Variants in WIPI1 observed in about 807,000 individuals in gnomAD.
WIPI1 encodes the protein WD repeat domain, phosphoinositide interacting 1, also known as WD repeat domain phosphoinositide-interacting protein 1.
In WIPI1, 45 loss-of-function variants were observed where a neutral mutation model predicts 55.3. The ratio of observed to expected loss-of-function variants is 0.81; its 90% CI spans 0.64 to 1.04. The LOEUF (loss-of-function observed/expected upper bound fraction) is 1.04. WIPI1 is among the 50% of genes least tolerant of loss of function. The pLI is 0.00. For missense variants in WIPI1, 445 were observed against 559.0 expected, an observed-to-expected ratio of 0.80 and a Z score of 2.06; for synonymous variants, 195 against 217.6, an observed-to-expected ratio of 0.90 and a Z score of 0.92.
chr17:68,450,685 CG>C, intron 3 of WIPI1, 42 bp downstream of exon 3: 1 of 1,563,138 alleles, frequency 6.4e-7, no homozygotes, highest in Non-Finnish European at 8.6e-7. Context: ...GTTTGGCTCC[CG>C]TTAGCAGAAG....
intron 9 of WIPI1, 105 bp downstream of exon 9, chr17:68,429,891 G>T: frequency 6.5e-7 from 1 of 1,545,140 alleles, no homozygotes; most frequent in Non-Finnish European, 8.8e-7. Flanking sequence ...GCCCAGCCTG[G>T]GGCAAGTTTT....
chr17:68,421,979 C>A, intron 12 of WIPI1, 159 bp from the exon 13 acceptor site: 1 of 789,290 alleles, frequency 1.3e-6, no homozygotes, highest in Admixed American at 2.0e-5. Flanking sequence ...GAATGGTCAC[C>A]CAGCTTATTT....
rs749100339 is a variant in WIPI1, at chr17:68,426,161, C to T, written c.1207G>A (p.Gly403Ser). 57 of 1,606,166 alleles carry T rather than the reference C, an allele frequency of 3.5e-5. No homozygotes were observed. The highest frequency in any genetic ancestry group is 6.6e-5 in the South Asian group (6 of 90,982). Reference protein sequence around the residue: ...ASTVPGYSEDGGALRGEVIPE... With the variant: ...ASTVPGYSEDSGALRGEVIPE... ...ATAACTTCTCCTCGCAGCGCCCCGCCGTCCTCAGAATAACCTGGAAACCAA... is the reference window on the plus strand; with the variant it reads ...ATAACTTCTCCTCGCAGCGCCCCGCTGTCCTCAGAATAACCTGGAAACCAA... Residue 403 changes from glycine (G) to serine (S), a missense_variant, in exon 12 of 13, where the codon GGC becomes AGC. Gly to Ser is a moderately conservative substitution (Grantham distance 56). Transcript: ENST00000262139.
intron 12 of WIPI1, chr17:68,424,505 C>A: frequency 1.9e-6 from 1 of 534,508 alleles, no homozygotes; most frequent in South Asian, 1.4e-5. Flanking sequence ...CATAACAAAG[C>A]CTAATGGACA....
intron 3 of WIPI1, among the ~76,000 whole-genome samples, chr17:68,449,897 G>C (rs2084431722): frequency 6.6e-6 from 1 of 152,224 alleles, no homozygotes; most frequent in East Asian, 1.9e-4. Flanking sequence ...TGTAGTCCCA[G>C]CTACTCAGGA....
At chr17:68,426,252 G>GGGGGGGGGGGGT in intron 11 of WIPI1, 77 bp from the exon 12 acceptor site, 3 of 828,186 alleles carry the variant, frequency 3.6e-6, no homozygotes, top group Non-Finnish European at 5.7e-6. Flanking sequence ...TGGGGAGCGG[G>GGGGGGGGGGGGT]GGCTCAAATA....
chr17:68,427,286 A>G (rs768269623), intron 10 of WIPI1, 33 bp from the exon 11 acceptor site: 6 of 1,532,952 alleles, frequency 3.9e-6, no homozygotes, highest in Admixed American at 3.4e-5. Context: ...GGTGAAAGAA[A>G]AAAGAAATCA....
chr17:68,428,006 T>C (rs1231314572), intron 10 of WIPI1, among the ~76,000 whole-genome samples: 4 of 152,100 alleles, frequency 2.6e-5, no homozygotes, highest in Non-Finnish European at 5.9e-5. Flanking sequence ...TCCCCCCACC[T>C]CTGCCTCCCA....
chr17:68,428,789 A>C, intron 10 of WIPI1, 40 bp downstream of exon 10: 2 of 1,498,706 alleles, frequency 1.3e-6, no homozygotes, highest in Non-Finnish European at 1.9e-6. Context: ...CTACACGACC[A>C]GCTCTCGAAA....
intron 8 of WIPI1, among the ~76,000 whole-genome samples, chr17:68,432,610 C>T (rs3897877): frequency 0.18 from 27,541 of 151,964 alleles, 2,762 homozygotes; most frequent in South Asian, 0.29. Context: ...TGATAAGGTG[C>T]CCGGCCTCTG....
chr17:68,422,974 G>A (rs1278436351), intron 12 of WIPI1, among the ~76,000 whole-genome samples: 2 of 152,106 alleles, frequency 1.3e-5, no homozygotes, highest in Admixed American at 6.6e-5. Context: ...GGAGGCAAGC[G>A]TGATCCTACG....
chr17:68,434,528 TA>T, intron 7 of WIPI1, 27 bp downstream of exon 7: 1 of 1,612,858 alleles, frequency 6.2e-7, no homozygotes, highest in Non-Finnish European at 8.5e-7. Context: ...GCGGGGACTT[TA>T]AAATGGGTTT....
chr17:68,426,097 T>C lies in WIPI1; in HGVS notation c.1271A>G (p.Asp424Gly). The change falls in exon 12 of 13, where the codon GAT (aspartate) becomes GGT (glycine). Residue 424 changes from aspartate to glycine, a missense_variant. Coordinates refer to ENST00000262139, the MANE Select transcript of WIPI1 (RefSeq NM_017983.7). ...HEFATGPVCL[D>G]DENEFPPIIL... is the part of the protein sequence containing the mutation. ...CACAGGAGGAAACTCATTCTCATCA[T>C]CAAGACACACTGGTCCCGTCGCAAA... 6.2e-7 allele frequency: 1 copy of C among 1,612,748 alleles called. No homozygotes were observed. Among genetic ancestry groups the C allele is most frequent in the South Asian group, 1.1e-5 (1 of 91,016 alleles).
chr17:68,439,073 A>C (rs1326857914), intron 4 of WIPI1, among the ~76,000 whole-genome samples: 3 of 152,230 alleles, frequency 2.0e-5, no homozygotes, highest in Non-Finnish European at 4.4e-5. Flanking sequence ...TGGAACGTTT[A>C]GCAGTTCTTC....
At chr17:68,442,817 C>G (rs2084135106) in intron 4 of WIPI1, among the ~76,000 whole-genome samples, 1 of 152,220 alleles carries the variant, frequency 6.6e-6, no homozygotes, top group Non-Finnish European at 1.5e-5. Context: ...TGCTGGCGCA[C>G]CTGTCTCAGA....
intron 4 of WIPI1, among the ~76,000 whole-genome samples, chr17:68,440,171 A>AATCC (rs2084015389): frequency 6.6e-6 from 1 of 152,192 alleles, no homozygotes; most frequent in Admixed American, 6.5e-5. Context: ...CACCTCTACC[A>AATCC]ATCCATCTGA....
chr17:68,444,365 G>C, intron 4 of WIPI1, 128 bp downstream of exon 4: 1 of 803,528 alleles, frequency 1.2e-6, no homozygotes. Context: ...AAAGCTTCGA[G>C]ATAAACCTCA....
intron 4 of WIPI1, among the ~76,000 whole-genome samples, chr17:68,443,572 GT>G (rs57497232): frequency 0.27 from 40,702 of 152,042 alleles, 5,602 homozygotes; most frequent in Admixed American, 0.3. Flanking sequence ...ACATTACCTT[GT>G]TTAATTCTCA....
rs756353509 is a variant in WIPI1, at chr17:68,444,405, C to G, written c.430+88G>C. On this transcript the variant is annotated intron_variant, in intron 4 of 12. Coordinates refer to ENST00000262139, the MANE Select transcript of WIPI1 (RefSeq NM_017983.7). ...GACTCAAAAAGCAAACACTGCTTCA[C>G]GTTCGCAATTTGGAGGAAAATAAAG... The G allele has an allele frequency of 5.6e-5, 69 of 1,225,216 alleles. 1 individual carries two copies. The East Asian group carries it at 1.2e-3, about 22-fold the overall frequency. The allele number at this position is 1,225,216 out of a possible 1,614,324, so 75.9% of individuals were successfully genotyped here. A position where few individuals can be genotyped will look rare whatever the true frequency, so the allele number is the denominator to read the frequency against.
Sources: gnomAD v4.1 joint callset for allele counts (sites outside exome capture counted in the v4.1 genomes callset) on GRCh38, gnomAD v4.1.1 for gene constraint, MANE v1.5 for transcripts, NCBI Gene and HGNC (gene_info 2026-07-23, HGNC 2026-07-21) for gene names.